The following HS6ST3 variants were observed in gnomAD, a reference collection of about 807,000 sequenced individuals.
HS6ST3 encodes the protein heparan sulfate 6-O-sulfotransferase 3, also known as heparan-sulfate 6-O-sulfotransferase 3.
Under a neutral mutation model 36.7 loss-of-function variants are expected in HS6ST3, and 12 were observed. The ratio of observed to expected loss-of-function variants is 0.33; its 90% CI spans 0.21 to 0.53. HS6ST3 has a LOEUF of 0.53. HS6ST3 is among the 20% of genes least tolerant of loss of function. The probability of loss-of-function intolerance (pLI) is 0.95; values close to 1 mark genes in which losing one functional copy is unlikely to be tolerated. For missense variants in HS6ST3, 584 were observed against 640.9 expected (o/e 0.91, Z 0.96); for synonymous variants, 240 against 257.5 (o/e 0.93, Z 0.65).
intron 1 of HS6ST3, among the ~76,000 whole-genome samples, chr13:96,254,861 T>G (rs1242630168): frequency 6.6e-6 from 1 of 152,176 alleles, no homozygotes; most frequent in Non-Finnish European, 1.5e-5. Context: ...GAAGGTTGTA[T>G]GTTCTGAAAA....
intron 1 of HS6ST3, among the ~76,000 whole-genome samples, chr13:96,187,697 C>A (rs1026821001): frequency 6.6e-6 from 1 of 152,188 alleles, no homozygotes; most frequent in Non-Finnish European, 1.5e-5. Context: ...TCCTAAACAT[C>A]CTGACATGTC....
intron 1 of HS6ST3, among the ~76,000 whole-genome samples, chr13:96,534,154 G>A (rs143627425): frequency 1.7e-3 from 253 of 152,264 alleles, no homozygotes; most frequent in African/African-American, 5.1e-3. Context: ...TTGAGGGCAG[G>A]GACCATTTTA....
chr13:96,450,761 G>A (rs2055723710), intron 1 of HS6ST3, among the ~76,000 whole-genome samples: 1 of 152,182 alleles, frequency 6.6e-6, no homozygotes. Context: ...TGCTCATTAT[G>A]AAATAGATGT....
chr13:96,418,234 G>C (rs2055544651), intron 1 of HS6ST3, among the ~76,000 whole-genome samples: 1 of 152,188 alleles, frequency 6.6e-6, no homozygotes, highest in Non-Finnish European at 1.5e-5. Flanking sequence ...GAAACAAGAG[G>C]GTGGAGAGTA....
intron 1 of HS6ST3, among the ~76,000 whole-genome samples, chr13:96,377,233 A>G (rs2055319237): frequency 6.6e-6 from 1 of 151,300 alleles, no homozygotes; most frequent in Non-Finnish European, 1.5e-5. Flanking sequence ...GGCTGTGGTG[A>G]TGCCTCAGCT....
At chr13:96,136,665 A>C (rs890684658) in intron 1 of HS6ST3, among the ~76,000 whole-genome samples, 8 of 145,684 alleles carry the variant, frequency 5.5e-5, no homozygotes, top group African/African-American at 2.0e-4. Context: ...TAAGGTATAC[A>C]GCATGATGTT....
intron 1 of HS6ST3, among the ~76,000 whole-genome samples, chr13:96,457,501 C>T (rs1343231198): frequency 2.6e-5 from 4 of 152,142 alleles, no homozygotes; most frequent in Admixed American, 6.5e-5. Context: ...ATCCAAGTCC[C>T]TGTTGATTAT....
intron 1 of HS6ST3, among the ~76,000 whole-genome samples, chr13:96,547,801 T>G (rs1323977889): frequency 6.6e-6 from 1 of 152,148 alleles, no homozygotes; most frequent in East Asian, 1.9e-4. Flanking sequence ...TTTTAGTGCT[T>G]AGCATTGCTT....
At chr13:96,518,530 G>T (rs2138925332) in intron 1 of HS6ST3, among the ~76,000 whole-genome samples, 1 of 152,188 alleles carries the variant, frequency 6.6e-6, no homozygotes, top group South Asian at 2.1e-4. Context: ...GTAGTAAAAA[G>T]AAATTCTGTA....
intron 1 of HS6ST3, among the ~76,000 whole-genome samples, chr13:96,238,534 A>C (rs1395780217): frequency 1.3e-5 from 2 of 152,244 alleles, no homozygotes; most frequent in African/African-American, 4.8e-5. Flanking sequence ...GATTAAATGC[A>C]GTTAATTCAG....
intron 1 of HS6ST3, among the ~76,000 whole-genome samples, chr13:96,280,229 T>G (rs1477166985): frequency 6.6e-6 from 1 of 152,218 alleles, no homozygotes; most frequent in East Asian, 1.9e-4. Context: ...ATAGCTGCGA[T>G]GAAATATTTT....
chr13:96,394,004 T>C (rs2209412), intron 1 of HS6ST3, among the ~76,000 whole-genome samples: 130,358 of 152,244 alleles, frequency 0.86, 56,134 homozygotes, highest in South Asian at 0.91. Flanking sequence ...GTGATCTTAG[T>C]CACGTGTCTT....
chr13:96,757,166 A>AG (rs1876851852), intron 1 of HS6ST3, among the ~76,000 whole-genome samples: 1 of 152,194 alleles, frequency 6.6e-6, no homozygotes, highest in African/African-American at 2.4e-5. Context: ...CTCCACAGTG[A>AG]GTCTATACAA....
intron 1 of HS6ST3, among the ~76,000 whole-genome samples, chr13:96,107,339 A>T (rs952234525): frequency 3.3e-5 from 5 of 152,096 alleles, no homozygotes; most frequent in Non-Finnish European, 7.4e-5. Context: ...GCTGCCTAAG[A>T]TGGGGCAATG....
chr13:96,414,060 A>C (rs937189725), intron 1 of HS6ST3, among the ~76,000 whole-genome samples: 1 of 152,242 alleles, frequency 6.6e-6, no homozygotes, highest in Non-Finnish European at 1.5e-5. Flanking sequence ...AAAGCCTTTC[A>C]GTGTTCTTTT....
intron 1 of HS6ST3, among the ~76,000 whole-genome samples, chr13:96,515,477 A>G (rs968180656): frequency 6.6e-6 from 1 of 152,126 alleles, no homozygotes; most frequent in African/African-American, 2.4e-5. Flanking sequence ...CGTTTTATGC[A>G]TTTACATGTG....
At chr13:96,273,925 T>C (rs1489601183) in intron 1 of HS6ST3, among the ~76,000 whole-genome samples, 3 of 103,406 alleles carry the variant, frequency 2.9e-5, no homozygotes, top group Non-Finnish European at 3.9e-5. Context: ...TCCTTCCTTC[T>C]TCCCTCCCTC....
rs150486665 is a variant in HS6ST3, at chr13:96,648,402, A to G, written c.708-184088A>G. ...TCCTTGGTCCTATTTTTTCTCTGCC[A>G]GATCTATACCTACTTATTTGGTAAT... On this transcript the variant is annotated intron_variant, in intron 1 of 1. Coordinates refer to ENST00000376705, the MANE Select transcript of HS6ST3 (RefSeq NM_153456.4). 1.8e-3 allele frequency among the ~76,000 whole-genome samples: 273 copies of G among 151,990 alleles called. 7 individuals are homozygous for G. The South Asian group carries it at 0.028, about 15-fold the overall frequency.
chr13:96,501,253 C>T (rs1185470068), intron 1 of HS6ST3, among the ~76,000 whole-genome samples: 1 of 152,050 alleles, frequency 6.6e-6, no homozygotes. Context: ...GAAGGGGTGT[C>T]AATTCTTGGA....
Sources: allele counts gnomAD v4.1 joint callset (sites outside exome capture counted in the v4.1 genomes callset), GRCh38; gene constraint gnomAD v4.1.1; transcripts MANE v1.5; gene names NCBI Gene and HGNC (gene_info 2026-07-23, HGNC 2026-07-21).